The following DHX8 variants were observed in gnomAD, a reference collection of about 807,000 sequenced individuals.
The protein encoded by DHX8 is DEAH-box helicase 8, also known as ATP-dependent RNA helicase DHX8.
DHX8 carries 67 observed loss-of-function variants against 140.7 expected under a neutral mutation model. The observed-to-expected ratio is 0.48, with a 90% CI of 0.39 to 0.58. The LOEUF (loss-of-function observed/expected upper bound fraction) is 0.58, where lower values mean the gene tolerates loss of function less well. DHX8 is among the 20% of genes least tolerant of loss of function. The probability of loss-of-function intolerance (pLI) is 0.00; values close to 1 mark genes in which losing one functional copy is unlikely to be tolerated. For missense variants in DHX8, 887 were observed against 1,550.7 expected, an observed-to-expected ratio of 0.57 and a Z score of 7.19; for synonymous variants, 533 against 553.2, an observed-to-expected ratio of 0.96 and a Z score of 0.51.
Position 43,524,710 on chromosome 17 carries a change from A to G in DHX8, c.*863A>G, listed in dbSNP as rs1598183536. 1.0e-6 allele frequency: 1 copy of G among 985,394 alleles called. No homozygotes were observed. The highest frequency in any genetic ancestry group is 1.2e-6 in the Non-Finnish European group (1 of 829,930). 61.0% of individuals were successfully genotyped at this position (985,394 alleles called of 1,614,324 possible). On this transcript the variant is annotated 3_prime_UTR_variant, in exon 23 of 23. Coordinates refer to ENST00000262415, the MANE Select transcript of DHX8 (RefSeq NM_004941.3). ...CTTTTGAAACATACTAAGTAACAACACAGCTTTTATTTTATTTTGTTTTTA... is the reference window on the plus strand; with the variant it reads ...CTTTTGAAACATACTAAGTAACAACGCAGCTTTTATTTTATTTTGTTTTTA...
chr17:43,530,450 C>G, downstream of DHX8: 1 of 1,359,732 alleles, frequency 7.4e-7, no homozygotes, highest in Non-Finnish European at 9.5e-7. Context: ...CTGAAGGGCC[C>G]AAGCTGCCAG....
At chr17:43,525,794 T>G (rs540551917), downstream of DHX8, 40 of 985,560 alleles carry the variant, frequency 4.1e-5, no homozygotes, top group African/African-American at 6.5e-4. Flanking sequence ...CAGCCTAAAT[T>G]TTCCCCATTC....
chr17:43,492,356 C>A (rs1386781323), intron 5 of DHX8, 64 bp downstream of exon 5: 6 of 1,373,988 alleles, frequency 4.4e-6, no homozygotes, highest in Non-Finnish European at 6.1e-6. Flanking sequence ...TATTATGGAC[C>A]AGCCAAGCAA....
intron 2 of DHX8, among the ~76,000 whole-genome samples, chr17:43,489,817 C>T (rs1305410238): frequency 6.6e-6 from 1 of 152,102 alleles, no homozygotes; most frequent in Non-Finnish European, 1.5e-5. Context: ...GTCTCGATCT[C>T]CTGACCTCGT....
At chr17:43,514,231 G>A (rs1969999006) in intron 17 of DHX8, among the ~76,000 whole-genome samples, 1 of 152,070 alleles carries the variant, frequency 6.6e-6, no homozygotes, top group Non-Finnish European at 1.5e-5. Context: ...ACCAGTCCCA[G>A]CTGCTTAAGA....
Position 43,517,270 on chromosome 17 carries a change from A to G in DHX8, c.2747A>G (p.Asn916Ser). The change falls in exon 18 of 23, where the codon AAC becomes AGC. Residue 916 changes from asparagine to serine, a missense_variant. Physicochemically the swap from Asn to Ser is conservative, Grantham distance 46. This residue lies in a region of DHX8 where 151 missense variants were observed against 388.3 expected (regional missense o/e 0.39). Coordinates refer to ENST00000262415, the MANE Select transcript of DHX8 (RefSeq NM_004941.3). The part of the protein sequence containing the change: ...RAYRDEMLTT[N>S]VPEIQRTNLA... ...TACCGAGATGAAATGCTGACCACCA[A>G]CGTGCCGGAAATCCAGAGAACCAAC... The G allele has an allele frequency of 3.7e-6, 6 of 1,614,166 alleles. No individual in the cohort carries two copies. The highest frequency in any genetic ancestry group is 5.1e-6 in the Non-Finnish European group (6 of 1,180,038).
chr17:43,521,309 C>T, intron 20 of DHX8, 60 bp from the exon 21 acceptor site: 3 of 1,427,902 alleles, frequency 2.1e-6, no homozygotes, highest in African/African-American at 1.4e-5. Flanking sequence ...CCTAGAATTG[C>T]TCCATGTTCA....
chr17:43,523,479 T>A (rs1970488183), intron 22 of DHX8, 149 bp from the exon 23 acceptor site: 1 of 1,239,784 alleles, frequency 8.1e-7, no homozygotes. Flanking sequence ...GGGGTGTGGC[T>A]GTCATAAACA....
Position 43,524,023 on chromosome 17 carries a change from G to A in DHX8, c.*176G>A, listed in dbSNP as rs1970514282. ...AAAATAGAAACAGGGATTTAAACCT[G>A]GCTTTGGCAAGAGCCTGCAGCCTCC... On this transcript the variant is annotated 3_prime_UTR_variant, in exon 23 of 23. Transcript: ENST00000262415. 7.0e-7 allele frequency: 1 copy of A among 1,432,328 alleles called. No homozygotes were observed. The highest frequency in any genetic ancestry group is 1.4e-5 in the African/African-American group (1 of 69,722). 88.7% of individuals were successfully genotyped at this position (1,432,328 alleles called of 1,614,324 possible).
intron 9 of DHX8, among the ~76,000 whole-genome samples, chr17:43,498,568 G>A (rs1969007812): frequency 6.6e-6 from 1 of 151,726 alleles, no homozygotes; most frequent in Admixed American, 6.6e-5. Context: ...TCCTGTCTCA[G>A]CCTCTTGAGT....
intron 2 of DHX8, among the ~76,000 whole-genome samples, chr17:43,534,536 C>T (rs1014306333): frequency 6.6e-6 from 1 of 152,040 alleles, no homozygotes; most frequent in Admixed American, 6.5e-5. Context: ...AACCCCAGGC[C>T]CCAGAAAACA....
chr17:43,530,334 C>G (rs1381922782), downstream of DHX8: 3 of 1,478,460 alleles, frequency 2.0e-6, no homozygotes, highest in East Asian at 7.5e-5. Context: ...ACCACAAAAT[C>G]CCAGGGAAAG....
rs1598164698 is a variant in DHX8, at chr17:43,513,601, A to C, written c.2643+99A>C. 9.1e-6 allele frequency: 12 copies of C among 1,316,330 alleles called. No homozygotes were observed. The East Asian group carries it at 2.9e-4, about 32-fold the overall frequency. 81.5% of individuals were successfully genotyped at this position (1,316,330 alleles called of 1,614,324 possible). ...TATTTCAAACTTGTTTTCAAAGATG[A>C]ACTTTTATGATACTGGGTACTATAA... On this transcript the variant is annotated intron_variant, in intron 17 of 22. Transcript: ENST00000262415.
In DHX8 at chr17:43,492,920, G is replaced by T. The variant is rs1968623114; in HGVS notation, c.743G>T (p.Arg248Ile). Residue 248 changes from arginine to isoleucine, a missense_variant, in exon 6 of 23, where the codon AGA becomes ATA. Arg to Ile is a moderately conservative substitution (Grantham distance 97, BLOSUM62 -3). Around this residue, in one of 9 missense-constraint regions of DHX8, gnomAD observed 304 missense variants for 306.9 expected, o/e 0.99. Transcript: ENST00000262415. ...RDKYGERNLD[R>I]WRDKHVDRPP... ...AAATATGGAGAGCGGAATCTGGATA[G>T]ATGGCGGGATAAGCATGTGGACCGC... 6.2e-7 allele frequency: 1 copy of T among 1,614,220 alleles called. No homozygotes were observed. The highest frequency in any genetic ancestry group is 8.5e-7 in the Non-Finnish European group (1 of 1,180,044).
chr17:43,528,990 G>T, downstream of DHX8: 1 of 855,354 alleles, frequency 1.2e-6, no homozygotes, highest in Non-Finnish European at 1.9e-6. Flanking sequence ...AGAACCTTGG[G>T]ATTCTCCACA....
chr17:43,530,536 A>G (rs1970860411), downstream of DHX8: 1 of 820,164 alleles, frequency 1.2e-6, no homozygotes, highest in Admixed American at 4.0e-5. Context: ...TTCGGTGTCC[A>G]CGCCTAAGAC....
At chr17:43,518,431 G>C (rs1308252604) in intron 18 of DHX8, 1 of 152,106 alleles carries the variant, frequency 6.6e-6, no homozygotes, top group Non-Finnish European at 1.5e-5. Context: ...TGTGAACATA[G>C]TTTTTACCCA....
At chr17:43,533,149 C>T in intron 2 of DHX8, 1 of 1,606,858 alleles carries the variant, frequency 6.2e-7, no homozygotes, top group African/African-American at 1.3e-5. Flanking sequence ...TGAAAAAACA[C>T]CTGGGCCCAT....
chr17:43,536,191 T>C (rs1971234550), intron 2 of DHX8: 1 of 550,448 alleles, frequency 1.8e-6, no homozygotes, highest in Admixed American at 3.3e-5. Flanking sequence ...TCACTTCAGA[T>C]ATAAGGCAAT....
Sources: allele counts gnomAD v4.1 joint callset (sites outside exome capture counted in the v4.1 genomes callset), GRCh38; gene constraint gnomAD v4.1.1; regional missense constraint gnomAD v4.1.1; transcripts MANE v1.5; gene names NCBI Gene and HGNC (gene_info 2026-07-23, HGNC 2026-07-21).